FAM131A: variants seen among roughly 807,000 people sequenced by gnomAD.
The protein encoded by FAM131A is family with sequence similarity 131 member A.
A neutral mutation model predicts 39.2 loss-of-function variants in FAM131A; 24 were observed. The observed-to-expected ratio is 0.61, with a 90% confidence interval of 0.44 to 0.86. The LOEUF (loss-of-function observed/expected upper bound fraction) is 0.86. FAM131A is among the 40% of genes least tolerant of loss of function. The probability of loss-of-function intolerance (pLI) is 0.00; values close to 1 mark genes in which losing one functional copy is unlikely to be tolerated. For synonymous variants in FAM131A, 202 were observed against 206.8 expected (o/e 0.98, Z 0.20); for missense variants, 373 against 481.2 (o/e 0.78, Z 2.10).
upstream of FAM131A, among the ~76,000 whole-genome samples, chr3:184,336,701 G>C (rs1178033125): frequency 6.6e-6 from 1 of 152,242 alleles, no homozygotes; most frequent in Non-Finnish European, 1.5e-5. This position sits in a 1 kb window ranked among gnomAD's most constrained non-coding sequence, Gnocchi z 5.5. Context: ...TGTGAACACT[G>C]AATCACCTCT....
Position 184,337,611 on chromosome 3 carries a change from T to C in FAM131A, c.-20T>C, listed in dbSNP as rs1382824379. The C allele has an allele frequency of 7.8e-6, 12 of 1,536,896 alleles. No homozygotes were observed. Among genetic ancestry groups the C allele is most frequent in the Non-Finnish European group, 9.6e-6 (11 of 1,146,776 alleles). On this transcript the variant is annotated 5_prime_UTR_variant, in exon 1 of 6. Coordinates refer to ENST00000383847, the MANE Select transcript of FAM131A (RefSeq NM_144635.5). ...TGGAGCGGTTCTGGGCTTTTGGTTC[T>C]CTGCATCAACACAGCCAGCATGCCT...
At position 184,345,047 on chromosome 3, in the gene FAM131A, C is replaced by T. The variant is rs924684733; in HGVS notation, c.*77C>T. ...GAGCCTCTGTGCCCAAGTGTGGGCT[C>T]AAGGCTCCCAGCAGAGCTCCACAGC... On this transcript the variant is annotated 3_prime_UTR_variant, in exon 6 of 6. Coordinates refer to ENST00000383847, the MANE Select transcript of FAM131A (RefSeq NM_144635.5). The T allele has an allele frequency of 5.2e-6, 7 of 1,336,388 alleles. No individual in the cohort carries two copies. The African/African-American group carries it at 8.9e-5, about 17-fold the overall frequency. 82.8% of individuals were successfully genotyped at this position (1,336,388 alleles called of 1,614,324 possible).
At chr3:184,337,756 TG>T (rs1190871479) in intron 1 of FAM131A, 38 bp downstream of exon 1, 1 of 1,527,430 alleles carries the variant, frequency 6.5e-7, no homozygotes, top group African/African-American at 1.4e-5. Flanking sequence ...TGGGAGATGA[TG>T]GGAAGCTGAG....
upstream of FAM131A, among the ~76,000 whole-genome samples, chr3:184,336,306 G>A (rs1049238569): frequency 1.1e-4 from 16 of 152,162 alleles, no homozygotes; most frequent in African/African-American, 3.9e-4. This position sits in a 1 kb window ranked among gnomAD's most constrained non-coding sequence, Gnocchi z 5.5. Context: ...GACCGACTCC[G>A]GTTCGCTCCC....
chr3:184,344,995 T>G lies in FAM131A; in HGVS notation c.*25T>G, dbSNP rs760991776. 6.7e-7 allele frequency: 1 copy of G among 1,485,526 alleles called. No individual in the cohort carries two copies. The highest frequency in any genetic ancestry group is 2.2e-5 in the Admixed American group (1 of 45,466). 92.0% of individuals were successfully genotyped at this position (1,485,526 alleles called of 1,614,324 possible). ...ACCCACATCATGCCTGGCAGTGGCA[T>G]GCATCCCCCGGCTGCTGCCAGGGGC... On this transcript the variant is annotated 3_prime_UTR_variant, in exon 6 of 6. Transcript: ENST00000383847.
chr3:184,345,346 G>A lies in FAM131A; in HGVS notation c.*376G>A. On this transcript the variant is annotated 3_prime_UTR_variant, in exon 6 of 6. Coordinates refer to ENST00000383847, the MANE Select transcript of FAM131A (RefSeq NM_144635.5). Reference sequence around the variant, plus strand: ...TGAGGGTGGGGTGGGAGGGGGCCCAGCAACCCCCCACCCTCCCCATGCCTC... The same window carrying A: ...TGAGGGTGGGGTGGGAGGGGGCCCAACAACCCCCCACCCTCCCCATGCCTC... The A allele has an allele frequency of 3.3e-6, 2 of 597,686 alleles. No individual in the cohort carries two copies. Among genetic ancestry groups the A allele is most frequent in the Non-Finnish European group, 5.9e-6 (2 of 338,242 alleles). 37.0% of individuals were successfully genotyped at this position (597,686 alleles called of 1,614,324 possible).
chr3:184,343,299 G>A (rs1270725808), intron 5 of FAM131A, among the ~76,000 whole-genome samples: 5 of 152,202 alleles, frequency 3.3e-5, no homozygotes, highest in African/African-American at 1.2e-4. Flanking sequence ...CTGCAGCCCA[G>A]GTCAACAGGA....
intron 5 of FAM131A, 138 bp from the exon 6 acceptor site, chr3:184,344,357 T>A: frequency 1.4e-6 from 1 of 724,778 alleles, no homozygotes; most frequent in Non-Finnish European, 2.3e-6. Context: ...TCTCAAAAAG[T>A]TGTGACTGGT....
chr3:184,338,690 T>G (rs1727236717), intron 2 of FAM131A, 161 bp downstream of exon 2: 7 of 870,540 alleles, frequency 8.0e-6, no homozygotes, highest in Non-Finnish European at 1.2e-5. Flanking sequence ...GCCGGTCTGC[T>G]CTGCTCGGCG....
In FAM131A at chr3:184,342,945, A is replaced by C; in HGVS notation, c.625+85A>C. 26 of 1,190,160 alleles carry C rather than the reference A, an allele frequency of 2.2e-5. No homozygotes were observed. Among genetic ancestry groups the C allele is most frequent in the Middle Eastern group, 2.0e-4 (1 of 4,930 alleles). The allele number at this position is 1,190,160 out of a possible 1,614,324, so 73.7% of individuals were successfully genotyped here. A position where few individuals can be genotyped will look rare whatever the true frequency, so the allele number is the denominator to read the frequency against. On this transcript the variant is annotated intron_variant, in intron 5 of 5. Coordinates refer to ENST00000383847, the MANE Select transcript of FAM131A (RefSeq NM_144635.5). This position sits in a 1 kb window ranked among gnomAD's most constrained non-coding sequence, Gnocchi z 4.6. ...TCAGAGCCACATCCAGAACACTCTC[A>C]GCCTTTGCAAGGGGAGGGAGAGGGA...
chr3:184,337,579 C>T (rs1577282751), upstream of FAM131A: 122 of 1,507,990 alleles, frequency 8.1e-5, no homozygotes, highest in South Asian at 1.1e-3. Context: ...GAACTGGGAG[C>T]TGAGCCTGGA....
At position 184,342,946 on chromosome 3, in the gene FAM131A, G is replaced by A; in HGVS notation, c.625+86G>A. ...CAGAGCCACATCCAGAACACTCTCA[G>A]CCTTTGCAAGGGGAGGGAGAGGGAC... On this transcript the variant is annotated intron_variant, in intron 5 of 5. Coordinates refer to ENST00000383847, the MANE Select transcript of FAM131A (RefSeq NM_144635.5). This position sits in a 1 kb window ranked among gnomAD's most constrained non-coding sequence, Gnocchi z 4.6. 1 of 1,194,308 alleles carries A rather than the reference G, an allele frequency of 8.4e-7. No individual in the cohort carries two copies. The highest frequency in any genetic ancestry group is 1.3e-5 in the South Asian group (1 of 77,646). 74.0% of individuals were successfully genotyped at this position (1,194,308 alleles called of 1,614,324 possible).
chr3:184,341,842 G>A, intron 3 of FAM131A, 25 bp downstream of exon 3: 5 of 1,612,754 alleles, frequency 3.1e-6, no homozygotes, highest in East Asian at 4.5e-5. Flanking sequence ...CCATGTTTCT[G>A]GCCACTTTGT....
chr3:184,336,457 CG>C (rs1423238867), upstream of FAM131A, among the ~76,000 whole-genome samples: 46 of 152,158 alleles, frequency 3.0e-4, no homozygotes, highest in Admixed American at 3.0e-3. The surrounding 1 kb of genome is among the most constrained non-coding windows in gnomAD (Gnocchi z 5.5). Context: ...CTCCAGCCCT[CG>C]GCGACTGGCC....
chr3:184,343,399 G>C (rs1727471719), intron 5 of FAM131A, among the ~76,000 whole-genome samples: 1 of 152,246 alleles, frequency 6.6e-6, no homozygotes, highest in African/African-American at 2.4e-5. Context: ...CTCTGGGCCA[G>C]TGCTTGCAGA....
At chr3:184,338,592 C>T (rs1163497995) in intron 2 of FAM131A, 63 bp downstream of exon 2, 3 of 1,503,582 alleles carry the variant, frequency 2.0e-6, no homozygotes, top group Non-Finnish European at 2.7e-6. Context: ...ATCTGCAGCC[C>T]CCACCCACGC....
rs1440606738 is a variant in FAM131A, at chr3:184,345,607, T to C, written c.*637T>C. 1 of 702,916 alleles carries C rather than the reference T, an allele frequency of 1.4e-6. No individual in the cohort carries two copies. Among genetic ancestry groups the C allele is most frequent in the South Asian group, 1.5e-5 (1 of 67,568 alleles). The allele number at this position is 702,916 out of a possible 1,614,324, so 43.5% of individuals were successfully genotyped here. A position where few individuals can be genotyped will look rare whatever the true frequency, so the allele number is the denominator to read the frequency against. On this transcript the variant is annotated 3_prime_UTR_variant, in exon 6 of 6. Coordinates refer to ENST00000383847, the MANE Select transcript of FAM131A (RefSeq NM_144635.5). ...GGTCTGTTTTTTCAGTCGGATCTTC[T>C]CTTCTCTGGGAGGCTTTGGAATGAT... is the stretch of plus-strand genomic sequence containing the variant.
rs117550628 is a variant in FAM131A at position 184,345,598 on chromosome 3, C to T, written c.*628C>T. On this transcript the variant is annotated 3_prime_UTR_variant, in exon 6 of 6. Coordinates refer to ENST00000383847, the MANE Select transcript of FAM131A (RefSeq NM_144635.5). ...AAGGTTTTTGGTCTGTTTTTTCAGT[C>T]GGATCTTCTCTTCTCTGGGAGGCTT... 959 of 702,948 alleles carry T rather than the reference C, an allele frequency of 1.4e-3. 4 individuals are homozygous for T. Among genetic ancestry groups the T allele is most frequent in the East Asian group, 5.9e-3 (218 of 37,264 alleles). 43.5% of individuals were successfully genotyped at this position (702,948 alleles called of 1,614,324 possible).
chr3:184,337,873 G>A (rs565836225), intron 1 of FAM131A, among the ~76,000 whole-genome samples, 155 bp downstream of exon 1: 2 of 152,268 alleles, frequency 1.3e-5, no homozygotes, highest in African/African-American at 2.4e-5. Flanking sequence ...ATCAGGAAAC[G>A]GCTTCAGGGG....
Sources: gnomAD v4.1 joint callset for allele counts (sites outside exome capture counted in the v4.1 genomes callset) on GRCh38, gnomAD v4.1.1 for gene constraint, Gnocchi (gnomAD v3.1) non-coding constraint, MANE v1.5 for transcripts, NCBI Gene and HGNC (gene_info 2026-07-23, HGNC 2026-07-21) for gene names.